The following ZNF451 variants were observed in gnomAD, a reference collection of about 807,000 sequenced individuals.
The protein encoded by ZNF451 is E3 SUMO-protein ligase ZNF451.
ZNF451 carries 80 observed loss-of-function variants against 107.1 expected under a neutral mutation model. That is an observed-to-expected ratio of 0.75 (90% CI 0.62 to 0.90). The LOEUF (loss-of-function observed/expected upper bound fraction) is 0.90. ZNF451 is among the 40% of genes least tolerant of loss of function. ZNF451 has a pLI of 0.00. For missense variants in ZNF451, 1,107 were observed against 1,236.2 expected, an observed-to-expected ratio of 0.90 and a Z score of 1.57; for synonymous variants, 362 against 406.5, an observed-to-expected ratio of 0.89 and a Z score of 1.32.
intron 3 of ZNF451, chr6:57,101,619 A>G (rs912656363): frequency 3.2e-6 from 5 of 1,550,656 alleles, no homozygotes; most frequent in Admixed American, 3.9e-5. Context: ...ATCAGCGTAA[A>G]CTCTGGGAAG....
chr6:57,099,192 G>A (rs1386715518), intron 3 of ZNF451, 51 bp downstream of exon 3: 7 of 1,397,474 alleles, frequency 5.0e-6, no homozygotes, highest in South Asian at 1.2e-5. Flanking sequence ...CTTTTAAGAG[G>A]TATTCTCTAA....
chr6:57,102,981 TG>T (rs1829678307), intron 3 of ZNF451: 1 of 985,342 alleles, frequency 1.0e-6, no homozygotes. Context: ...CACTGTAAGC[TG>T]GGCCTTTCAC....
chr6:57,113,842 C>A (rs1170806807), intron 3 of ZNF451, among the ~76,000 whole-genome samples: 1 of 151,998 alleles, frequency 6.6e-6, no homozygotes, highest in Non-Finnish European at 1.5e-5. Flanking sequence ...AGGATGCTCT[C>A]GATCTCCTGA....
intron 13 of ZNF451, chr6:57,159,529 T>G (rs911716140): frequency 9.9e-5 from 34 of 343,300 alleles, no homozygotes; most frequent in Non-Finnish European, 1.3e-4. Flanking sequence ...ATAAGAGTTT[T>G]TTTTTTTTTT....
At chr6:57,165,839 A>G (rs959603182) in intron 14 of ZNF451, 1 of 152,156 alleles carries the variant, frequency 6.6e-6, no homozygotes, top group Non-Finnish European at 1.5e-5. Context: ...ATATTTTTGT[A>G]TCTAAACATA....
chr6:57,110,959 G>A lies in ZNF451; in HGVS notation c.186+11818G>A, dbSNP rs532221249. Among the ~76,000 whole-genome samples the A allele has an allele frequency of 4.1e-5, 6 of 147,016 alleles. 1 individual carries two copies. The South Asian group carries it at 8.6e-4, about 21-fold the overall frequency. ...TTTTTTGAGACAGTCTCACTCTGGC[G>A]CCCAAGCTGGAGTACAGTGGGGTCA... On this transcript the variant is annotated intron_variant, in intron 3 of 14. Coordinates refer to ENST00000370706, the MANE Select transcript of ZNF451 (RefSeq NM_001031623.3).
rs749097648 is a variant in ZNF451, at chr6:57,148,080, T to C, written c.1995T>C (p.Ile665=). The change falls in exon 10 of 15, where the codon ATT becomes ATC. Residue 665 remains isoleucine (I), a synonymous_variant. Transcript: ENST00000370706. ...ATGAGCATGACAATGAGATAAAGAT[T>C]AAATACTTCTGTGGGCTTTGTGATC... ...CQDEHDNEIK[I]KYFCGLCDLI... 26 of 1,614,094 alleles carry C rather than the reference T, an allele frequency of 1.6e-5. No individual in the cohort carries two copies. The East Asian group carries it at 5.6e-4, about 35-fold the overall frequency.
chr6:57,134,602 G>A (rs1044334372), intron 6 of ZNF451, 142 bp from the exon 7 acceptor site: 7 of 639,994 alleles, frequency 1.1e-5, no homozygotes, highest in Non-Finnish European at 1.5e-5. Flanking sequence ...TGTATATGAA[G>A]AACATTACTT....
At chr6:57,149,285 C>T (rs890549704) in intron 10 of ZNF451, among the ~76,000 whole-genome samples, 2 of 152,110 alleles carry the variant, frequency 1.3e-5, no homozygotes, top group African/African-American at 4.8e-5. Context: ...TTTCTTTCTT[C>T]CATATGATAG....
intron 7 of ZNF451, among the ~76,000 whole-genome samples, chr6:57,140,962 A>G (rs1372258378): frequency 6.6e-6 from 1 of 152,202 alleles, no homozygotes; most frequent in Admixed American, 6.5e-5. Flanking sequence ...AAACATTAGG[A>G]AAAGTGTATG....
rs149263023 is a variant in ZNF451 at position 57,113,443 on chromosome 6, G to A, written c.187-11291G>A. ...AAAGTAAAATCACTCCATTAATTCC[G>A]CATTCCCTTTGAGTTAATATTTGCA... On this transcript the variant is annotated intron_variant, in intron 3 of 14. Transcript: ENST00000370706. Among the ~76,000 whole-genome samples the A allele has an allele frequency of 1.1e-3, 167 of 151,250 alleles. 1 individual carries two copies. In the East Asian group the frequency reaches 0.029, roughly 26 times the overall value.
chr6:57,166,791 CAT>C (rs760062121), intron 14 of ZNF451, among the ~76,000 whole-genome samples: 17 of 152,186 alleles, frequency 1.1e-4, no homozygotes, highest in Admixed American at 8.5e-4. Flanking sequence ...ACCACAAACA[CAT>C]GAGTAATATG....
At chr6:57,100,517 G>A in intron 3 of ZNF451, 1 of 1,371,476 alleles carries the variant, frequency 7.3e-7, no homozygotes, top group Non-Finnish European at 9.6e-7. Context: ...CTACTTACTG[G>A]ACATGAATCT....
chr6:57,100,185 C>T (rs1029937403), intron 3 of ZNF451, among the ~76,000 whole-genome samples: 2 of 152,106 alleles, frequency 1.3e-5, no homozygotes, highest in African/African-American at 4.8e-5. Flanking sequence ...CTCAGTGGAA[C>T]TTTCCTTAAG....
chr6:57,152,916 A>G (rs565108534), intron 12 of ZNF451, among the ~76,000 whole-genome samples: 73 of 152,272 alleles, frequency 4.8e-4, no homozygotes, highest in African/African-American at 1.6e-3. Flanking sequence ...TTTGATATAT[A>G]TTAAGACACT....
At chr6:57,144,655 G>A (rs1459835401) in intron 9 of ZNF451, among the ~76,000 whole-genome samples, 4 of 152,120 alleles carry the variant, frequency 2.6e-5, no homozygotes, top group South Asian at 2.1e-4. Flanking sequence ...TTGGCTGGGC[G>A]TGGTGGCTCA....
At chr6:57,100,528 C>T in intron 3 of ZNF451, 1 of 1,413,664 alleles carries the variant, frequency 7.1e-7, no homozygotes, top group Non-Finnish European at 9.3e-7. Context: ...ACATGAATCT[C>T]TGCACTTGAA....
intron 3 of ZNF451, among the ~76,000 whole-genome samples, chr6:57,122,177 A>G (rs1830672229): frequency 6.6e-6 from 1 of 152,176 alleles, no homozygotes; most frequent in African/African-American, 2.4e-5. Context: ...AAACTGGCTG[A>G]CCATATTCAG....
chr6:57,108,777 A>G (rs1829986466), intron 3 of ZNF451: 1 of 985,332 alleles, frequency 1.0e-6, no homozygotes. Flanking sequence ...CTACATTTGT[A>G]TAGTCTGTAG....
Sources: gnomAD v4.1 joint callset for allele counts (sites outside exome capture counted in the v4.1 genomes callset) on GRCh38, gnomAD v4.1.1 for gene constraint, MANE v1.5 for transcripts, NCBI Gene and HGNC (gene_info 2026-07-23, HGNC 2026-07-21) for gene names.